Variants in HELLS observed in about 807,000 individuals in gnomAD.
HELLS encodes the protein helicase, lymphoid specific.
Under a neutral mutation model 120.0 loss-of-function variants are expected in HELLS, and 32 were observed. The ratio of observed to expected loss-of-function variants is 0.27; its 90% CI spans 0.20 to 0.36. The LOEUF (loss-of-function observed/expected upper bound fraction) is 0.36, where lower values mean the gene tolerates loss of function less well. Ranked by LOEUF, HELLS falls within the 10% of genes least tolerant of loss-of-function variation. The pLI, the probability that HELLS is intolerant of heterozygous loss-of-function variation, is 1.00. For missense variants in HELLS, 650 were observed against 993.4 expected (o/e 0.65, Z 4.65); for synonymous variants, 341 against 323.4 (o/e 1.05, Z -0.58).
At chr10:94,565,406 A>T (rs1843739887) in intron 6 of HELLS, among the ~76,000 whole-genome samples, 1 of 152,154 alleles carries the variant, frequency 6.6e-6, no homozygotes, top group Non-Finnish European at 1.5e-5. Context: ...AAACACTTTT[A>T]GGCTGGGCGT....
intron 9 of HELLS, among the ~76,000 whole-genome samples, 191 bp downstream of exon 9, chr10:94,574,927 A>G (rs896922632): frequency 2.0e-5 from 3 of 152,098 alleles, no homozygotes; most frequent in African/African-American, 7.2e-5. Context: ...GAAATCCCTG[A>G]CATCTTTCCT....
At chr10:94,606,420 A>G (rs1368620455), downstream of HELLS, among the ~76,000 whole-genome samples, 1 of 151,764 alleles carries the variant, frequency 6.6e-6, no homozygotes, top group Non-Finnish European at 1.5e-5. Context: ...ATAGCTCACT[A>G]CATTCTTGAA....
At chr10:94,585,477 G>C (rs1427585914) in intron 12 of HELLS, among the ~76,000 whole-genome samples, 2 of 149,040 alleles carry the variant, frequency 1.3e-5, no homozygotes, top group African/African-American at 2.5e-5. Flanking sequence ...TGCCTCCCAG[G>C]TTCAAGCGAT....
chr10:94,588,600 C>G (rs995333723), intron 13 of HELLS, among the ~76,000 whole-genome samples: 1 of 152,124 alleles, frequency 6.6e-6, no homozygotes, highest in Non-Finnish European at 1.5e-5. Context: ...AGGTTGGTCT[C>G]AGACTCCTGG....
chr10:94,604,939 C>T (rs906494627), downstream of HELLS, among the ~76,000 whole-genome samples: 3 of 152,038 alleles, frequency 2.0e-5, no homozygotes, highest in Non-Finnish European at 2.9e-5. Flanking sequence ...ATCCCATCAC[C>T]TCTACTCCCT....
intron 12 of HELLS, among the ~76,000 whole-genome samples, chr10:94,586,311 C>T (rs897484191): frequency 2.0e-5 from 3 of 152,160 alleles, no homozygotes; most frequent in Admixed American, 1.3e-4. Context: ...TTAGTAGAGA[C>T]GGAGTTTCAC....
At chr10:94,553,201 A>AAT in intron 2 of HELLS, among the ~76,000 whole-genome samples, 1 of 152,176 alleles carries the variant, frequency 6.6e-6, no homozygotes, top group Non-Finnish European at 1.5e-5. Flanking sequence ...ATAACAAGGT[A>AAT]ATATAATAAC....
intron 6 of HELLS, 23 bp from the exon 7 acceptor site, chr10:94,571,364 GT>G: frequency 2.8e-6 from 4 of 1,434,776 alleles, no homozygotes; most frequent in Admixed American, 1.8e-5. Context: ...TTATTAATTT[GT>G]TTTTGTTTTC....
In HELLS at chr10:94,575,098, AT is replaced by A. The variant is rs570447113; in HGVS notation, c.888+385del. ...TTTTCTGTACTTGTTACCTTCTGCA[AT>A]TTTTTTTTTTTTTTTTTTTTTTGAA... On this transcript the variant is annotated intron_variant, in intron 9 of 21. Transcript: ENST00000348459. 5.5e-3 allele frequency among the ~76,000 whole-genome samples: 673 copies of A among 121,792 alleles called. 1 individual carries two copies. Among genetic ancestry groups the A allele is most frequent in the African/African-American group, 0.011 (349 of 32,258 alleles). 79.9% of individuals were successfully genotyped at this position (121,792 alleles called of 152,430 possible).
chr10:94,592,479 G>T lies in HELLS; in HGVS notation c.1936G>T (p.Asp646Tyr). ...HLRDFNFSRL[D>Y]GSMSYSEREK... ...CAGAGATTTCAACTTCAGCAGGCTT[G>T]ATGGGTCCATGTCTTACTCAGAGAG... Residue 646 changes from aspartate to tyrosine, a missense_variant, in exon 17 of 22, where the codon GAT (aspartate) becomes TAT (tyrosine). Around this residue, in one of 9 missense-constraint regions of HELLS, gnomAD observed 191 missense variants for 259.7 expected, o/e 0.74. Transcript: ENST00000348459. The T allele has an allele frequency of 6.3e-7, 1 of 1,574,840 alleles. No individual in the cohort carries two copies. Among genetic ancestry groups the T allele is most frequent in the East Asian group, 2.3e-5 (1 of 44,424 alleles).
intron 12 of HELLS, among the ~76,000 whole-genome samples, chr10:94,585,164 C>T (rs1845060204): frequency 6.6e-6 from 1 of 151,652 alleles, no homozygotes; most frequent in Non-Finnish European, 1.5e-5. Context: ...ATTTCCACCC[C>T]ATATTGAAGG....
chr10:94,580,948 C>T (rs1844838972), intron 10 of HELLS, among the ~76,000 whole-genome samples: 1 of 152,046 alleles, frequency 6.6e-6, no homozygotes, highest in African/African-American at 2.4e-5. Context: ...GATGTTTCAG[C>T]ACATATGGAA....
chr10:94,558,801 C>T (rs1328559066), intron 4 of HELLS, among the ~76,000 whole-genome samples: 7 of 152,154 alleles, frequency 4.6e-5, no homozygotes, highest in Admixed American at 6.6e-5. Context: ...CAGAGTTTTA[C>T]TGTGTTAGCC....
chr10:94,554,129 C>G lies in HELLS; in HGVS notation c.157C>G (p.Arg53Gly). The change falls in exon 3 of 22, where the codon CGC (arginine) becomes GGC (glycine). Residue 53 changes from arginine to glycine, a missense_variant. Coordinates refer to ENST00000348459, the MANE Select transcript of HELLS (RefSeq NM_018063.5). ...TGGAAATTTTCTCTTTGGATAGGCT[C>G]GCATGTCTTGGGATAGAGAGTCGAC... ...ERERKMLEKA[R>G]MSWDRESTEI... is the part of the protein sequence containing the mutation. 1 of 1,572,094 alleles carries G rather than the reference C, an allele frequency of 6.4e-7. No individual in the cohort carries two copies. Among genetic ancestry groups the G allele is most frequent in the Non-Finnish European group, 8.6e-7 (1 of 1,166,376 alleles).
intron 10 of HELLS, among the ~76,000 whole-genome samples, chr10:94,579,267 C>A (rs1220501736): frequency 7.0e-6 from 1 of 142,796 alleles, no homozygotes; most frequent in Non-Finnish European, 1.5e-5. Context: ...GTGGCGCGAT[C>A]TTAGCTCACT....
intron 10 of HELLS, chr10:94,577,773 A>C (rs1204605554): frequency 6.6e-6 from 1 of 152,416 alleles, no homozygotes; most frequent in African/African-American, 2.4e-5. Flanking sequence ...TAAAAATACA[A>C]AAATTAGGCC....
chr10:94,558,306 A>G, intron 4 of HELLS, 111 bp downstream of exon 4: 1 of 1,300,132 alleles, frequency 7.7e-7, no homozygotes, highest in Admixed American at 3.3e-5. Context: ...CTTTAGTGAT[A>G]AACCTAACTT....
At chr10:94,604,512 T>C (rs1398744196), downstream of HELLS, among the ~76,000 whole-genome samples, 1 of 150,366 alleles carries the variant, frequency 6.7e-6, no homozygotes, top group Non-Finnish European at 1.5e-5. Flanking sequence ...GTTTAGTGTT[T>C]TATTTTGATG....
intron 12 of HELLS, among the ~76,000 whole-genome samples, chr10:94,584,849 A>AG (rs1251972646): frequency 2.0e-5 from 3 of 152,136 alleles, no homozygotes; most frequent in African/African-American, 7.2e-5. Context: ...TATCAAAAAT[A>AG]GGGGCAGTTT....
Sources: gnomAD v4.1 joint callset for allele counts (sites outside exome capture counted in the v4.1 genomes callset) on GRCh38, gnomAD v4.1.1 for gene constraint, gnomAD v4.1.1 regional missense constraint, MANE v1.5 for transcripts, NCBI Gene and HGNC (gene_info 2026-07-23, HGNC 2026-07-21) for gene names.